The following CADPS2 variants were observed in gnomAD, a reference collection of about 807,000 sequenced individuals.
The protein encoded by CADPS2 is calcium dependent secretion activator 2, also known as calcium-dependent secretion activator 2.
Under a neutral mutation model 172.5 loss-of-function variants are expected in CADPS2, and 93 were observed. That is an observed-to-expected ratio of 0.54 (90% CI 0.46 to 0.64). CADPS2 has a LOEUF of 0.64. Ranked by LOEUF, CADPS2 falls within the 30% of genes least tolerant of loss-of-function variation. The pLI, the probability that CADPS2 is intolerant of heterozygous loss-of-function variation, is 0.00. For synonymous variants in CADPS2, 546 were observed against 555.2 expected, an observed-to-expected ratio of 0.98 and a Z score of 0.23; for missense variants, 1,420 against 1,565.9, an observed-to-expected ratio of 0.91 and a Z score of 1.57.
chr7:122,555,383 A>G (rs1456765781), intron 7 of CADPS2, among the ~76,000 whole-genome samples: 1 of 152,144 alleles, frequency 6.6e-6, no homozygotes, highest in Non-Finnish European at 1.5e-5. Flanking sequence ...TGCCATGCAG[A>G]TAACACAAGG....
At chr7:122,830,463 C>T (rs56150634) in intron 1 of CADPS2, among the ~76,000 whole-genome samples, 2,355 of 151,434 alleles carry the variant, frequency 0.016, 58 homozygotes, top group African/African-American at 0.054. Context: ...GTGAAATACT[C>T]CTGAATAACA....
At chr7:122,402,279 A>G (rs1044599556) in intron 20 of CADPS2, among the ~76,000 whole-genome samples, 6 of 152,148 alleles carry the variant, frequency 3.9e-5, no homozygotes, top group African/African-American at 1.4e-4. Context: ...TGTCTTCCTT[A>G]AAAAGATGAT....
Position 122,319,094 on chromosome 7 carries a change from A to G in CADPS2, c.*1071T>C, listed in dbSNP as rs1169060759. ...TGAATTACTAGTTAATATTACTAAC[A>G]TTACTAATTATTAGTTAACATTGAT... On this transcript the variant is annotated 3_prime_UTR_variant, in exon 30 of 30. Transcript: ENST00000449022. The G allele has an allele frequency of 6.6e-6, 1 of 152,176 alleles. No homozygotes were observed. Among genetic ancestry groups the G allele is most frequent in the Non-Finnish European group, 1.5e-5 (1 of 68,042 alleles). 9.4% of individuals were successfully genotyped at this position (152,176 alleles called of 1,614,324 possible).
intron 1 of CADPS2, among the ~76,000 whole-genome samples, chr7:122,743,442 T>C (rs1352955973): frequency 1.3e-5 from 2 of 152,104 alleles, no homozygotes; most frequent in Non-Finnish European, 2.9e-5. Flanking sequence ...CTAGCAACCA[T>C]GGCTGCATGG....
At chr7:122,820,556 G>GTTTTTTTTTTT (rs551121404) in intron 1 of CADPS2, among the ~76,000 whole-genome samples, 4 of 86,536 alleles carry the variant, frequency 4.6e-5, no homozygotes, top group African/African-American at 1.0e-4. Context: ...TTTGTTTTTT[G>GTTTTTTTTTTT]TTTTTTTTTT....
chr7:122,420,530 C>T (rs540584873), intron 17 of CADPS2, among the ~76,000 whole-genome samples: 5 of 152,336 alleles, frequency 3.3e-5, no homozygotes, highest in South Asian at 2.1e-4. Flanking sequence ...AAGTTTAATG[C>T]ATTCTACAGT....
chr7:122,784,426 T>A (rs1368172517), intron 1 of CADPS2, among the ~76,000 whole-genome samples: 5 of 152,236 alleles, frequency 3.3e-5, no homozygotes, highest in African/African-American at 4.8e-5. Flanking sequence ...CTGTGCTTAT[T>A]TCCTCTTCAT....
intron 27 of CADPS2, among the ~76,000 whole-genome samples, chr7:122,352,551 A>G (rs2038827624): frequency 6.6e-6 from 1 of 152,202 alleles, no homozygotes; most frequent in South Asian, 2.1e-4. Flanking sequence ...ATTCATCTGG[A>G]AAGCACAACA....
intron 6 of CADPS2, among the ~76,000 whole-genome samples, chr7:122,591,713 C>T (rs550050191): frequency 2.6e-5 from 4 of 152,136 alleles, no homozygotes; most frequent in Admixed American, 2.6e-4. Flanking sequence ...CTTTGACAAA[C>T]CTGACAAAAA....
At chr7:122,777,530 C>T (rs114410435) in intron 1 of CADPS2, among the ~76,000 whole-genome samples, 2,242 of 152,244 alleles carry the variant, frequency 0.015, 54 homozygotes, top group African/African-American at 0.051. Flanking sequence ...TGGCTATGTC[C>T]CCACCCAAAT....
chr7:122,355,265 A>G (rs1305296444), intron 27 of CADPS2, among the ~76,000 whole-genome samples: 1 of 152,170 alleles, frequency 6.6e-6, no homozygotes, highest in Non-Finnish European at 1.5e-5. Context: ...TTCACGTTAT[A>G]GAATCAATTT....
intron 1 of CADPS2, among the ~76,000 whole-genome samples, chr7:122,857,941 G>A (rs937966131): frequency 6.6e-6 from 1 of 152,146 alleles, no homozygotes; most frequent in Non-Finnish European, 1.5e-5. Flanking sequence ...TGTGGTGAGT[G>A]TTACAGCTCT....
chr7:122,322,306 G>T (rs1234410528), intron 29 of CADPS2, among the ~76,000 whole-genome samples: 2 of 152,188 alleles, frequency 1.3e-5, no homozygotes, highest in African/African-American at 4.8e-5. Flanking sequence ...GAGCAGATTT[G>T]AATTGTGGAT....
intron 3 of CADPS2, among the ~76,000 whole-genome samples, chr7:122,661,199 T>C (rs979417051): frequency 1.3e-5 from 2 of 152,188 alleles, no homozygotes; most frequent in African/African-American, 4.8e-5. Flanking sequence ...TCAAAATATA[T>C]GAGACAAATA....
chr7:122,562,487 C>CAGA (rs368802907), intron 7 of CADPS2, among the ~76,000 whole-genome samples: 48 of 152,282 alleles, frequency 3.2e-4, no homozygotes, highest in Middle Eastern at 6.8e-3. Context: ...TAGAAAGGAA[C>CAGA]AGAACCCTGC....
chr7:122,550,836 A>G (rs2064188611), intron 8 of CADPS2, among the ~76,000 whole-genome samples: 1 of 152,130 alleles, frequency 6.6e-6, no homozygotes, highest in Admixed American at 6.5e-5. Flanking sequence ...TTCAAAACAT[A>G]GCTGGTAATT....
At chr7:122,339,600 G>T (rs190937707) in intron 28 of CADPS2, among the ~76,000 whole-genome samples, 11 of 152,122 alleles carry the variant, frequency 7.2e-5, no homozygotes, top group Admixed American at 5.9e-4. Context: ...CAAAAGTTCC[G>T]GGCAGGCCGG....
chr7:122,859,495 T>C (rs1187746291), intron 1 of CADPS2, among the ~76,000 whole-genome samples: 1 of 152,208 alleles, frequency 6.6e-6, no homozygotes, highest in Admixed American at 6.5e-5. Context: ...GGTCTTATTA[T>C]AGTTAATGGC....
intron 2 of CADPS2, among the ~76,000 whole-genome samples, chr7:122,706,327 C>T (rs2087474365): frequency 3.6e-5 from 1 of 27,914 alleles, no homozygotes; most frequent in Non-Finnish European, 7.3e-5. Flanking sequence ...TATATATATG[C>T]TTATATATTC....
Sources: gnomAD v4.1 joint callset for allele counts (sites outside exome capture counted in the v4.1 genomes callset) on GRCh38, gnomAD v4.1.1 for gene constraint, MANE v1.5 for transcripts, NCBI Gene and HGNC (gene_info 2026-07-23, HGNC 2026-07-21) for gene names.